RMND5B: variants seen among roughly 807,000 people sequenced by gnomAD.
RMND5B encodes required for meiotic nuclear division 5 homolog B.
A neutral mutation model predicts 50.4 loss-of-function variants in RMND5B; 42 were observed. The observed-to-expected ratio is 0.83, with a 90% confidence interval of 0.65 to 1.08. The LOEUF is 1.08. Among genes scored for constraint, RMND5B ranks in the 50% least tolerant of loss-of-function variants. The pLI is 0.00. For synonymous variants in RMND5B, 220 were observed against 210.0 expected (o/e 1.05, Z -0.41); for missense variants, 463 against 508.5 (o/e 0.91, Z 0.86).
chr5:178,147,767 C>T lies in RMND5B; in HGVS notation c.1002C>T (p.Ser334=), dbSNP rs140065663. ...IELGMKCWYH[S]VFACPILRQQ... ...TAGGCATGAAGTGCTGGTACCACTC[C>T]GTGTTCGCTTGCCCCATCCTCCGCC... The change falls in exon 10 of 11, where the codon TCC becomes TCT. Residue 334 remains serine (S), a synonymous_variant. Coordinates refer to ENST00000313386, the MANE Select transcript of RMND5B (RefSeq NM_022762.5). 6.4e-5 allele frequency: 103 copies of T among 1,614,188 alleles called. No homozygotes were observed. Among genetic ancestry groups the T allele is most frequent in the Admixed American group, 1.8e-4 (11 of 60,018 alleles).
At chr5:178,146,429 C>T in intron 8 of RMND5B, 150 bp downstream of exon 8, 1 of 704,718 alleles carries the variant, frequency 1.4e-6, no homozygotes, top group Admixed American at 2.9e-5. Flanking sequence ...GAGGAATTAC[C>T]TGTTTTTACA....
chr5:178,136,757 T>G (rs1758642094), intron 2 of RMND5B, among the ~76,000 whole-genome samples: 1 of 152,144 alleles, frequency 6.6e-6, no homozygotes, highest in African/African-American at 2.4e-5. Flanking sequence ...CTAGATCAGC[T>G]CTGTCACTGA....
Position 178,146,296 on chromosome 5 carries a change from T to G in RMND5B, c.860+17T>G. 6 of 1,611,692 alleles carry G rather than the reference T, an allele frequency of 3.7e-6. No homozygotes were observed. Among genetic ancestry groups the G allele is most frequent in the Non-Finnish European group, 5.1e-6 (6 of 1,178,336 alleles). ...TAGCGTCAGGTACAACCCAGCCCTG[T>G]GAGGGCAGCACAGGTGGGAGGGTAG... On this transcript the variant is annotated intron_variant, in intron 8 of 10. Transcript: ENST00000313386.
At chr5:178,139,952 T>G (rs1179993988) in intron 3 of RMND5B, among the ~76,000 whole-genome samples, 1 of 152,140 alleles carries the variant, frequency 6.6e-6, no homozygotes, top group African/African-American at 2.4e-5. Flanking sequence ...ATCTTTACTT[T>G]TTTTAATCTG....
chr5:178,138,938 C>T lies in RMND5B; in HGVS notation c.139+680C>T, dbSNP rs559409425. Among the ~76,000 whole-genome samples, 8 of 152,234 alleles carry T rather than the reference C, an allele frequency of 5.3e-5. No individual in the cohort carries two copies. In the East Asian group the frequency reaches 1.2e-3, roughly 22 times the overall value. ...AGAAATTGCCAGGCACAGTGGCTCACGCCTGTAATCCCAGCACTTCGGGAG... is the reference window on the plus strand; with the variant it reads ...AGAAATTGCCAGGCACAGTGGCTCATGCCTGTAATCCCAGCACTTCGGGAG... On this transcript the variant is annotated intron_variant, in intron 3 of 10. Transcript: ENST00000313386. This position sits in a 1 kb window ranked among gnomAD's most constrained non-coding sequence, Gnocchi z 5.1.
intron 7 of RMND5B, among the ~76,000 whole-genome samples, chr5:178,145,696 CG>C: frequency 1.3e-5 from 2 of 152,274 alleles, no homozygotes; most frequent in Admixed American, 1.3e-4. Flanking sequence ...TGAGCCACCA[CG>C]CCCGGCCCCA....
intron 2 of RMND5B, among the ~76,000 whole-genome samples, chr5:178,133,079 G>C (rs1758423662): frequency 6.6e-6 from 1 of 151,870 alleles, no homozygotes; most frequent in South Asian, 2.1e-4. Flanking sequence ...TGGTCAGGCT[G>C]GTCTCAAACT....
rs189245013 is a variant in RMND5B at position 178,143,767 on chromosome 5, G to C, written c.527+40G>C. 2.0e-6 allele frequency: 3 copies of C among 1,509,870 alleles called. No individual in the cohort carries two copies. The South Asian group carries it at 3.4e-5, about 17-fold the overall frequency. 93.5% of individuals were successfully genotyped at this position (1,509,870 alleles called of 1,614,324 possible). ...GGGTGGGCCAGCAGCATTCTGCTTC[G>C]ACCTCTCAGGGCACAGGGCTTGACT... is the stretch of plus-strand genomic sequence containing the variant. On this transcript the variant is annotated intron_variant, in intron 6 of 10. Coordinates refer to ENST00000313386, the MANE Select transcript of RMND5B (RefSeq NM_022762.5).
rs58710080 is a variant in RMND5B at position 178,132,789 on chromosome 5, CAAAAAAAA to C, written c.-13+1430_-13+1437del. On this transcript the variant is annotated intron_variant, in intron 2 of 10. Coordinates refer to ENST00000313386, the MANE Select transcript of RMND5B (RefSeq NM_022762.5). ...TATTAACTGAAGAGACCCTGCCTCA[CAAAAAAAA>C]AAAAAAAAAAAAAAAAGCGTTAAGA... Among the ~76,000 whole-genome samples, 9 of 38,916 alleles carry C rather than the reference CAAAAAAAA, an allele frequency of 2.3e-4. No homozygotes were observed. The South Asian group carries it at 0.014, about 60-fold the overall frequency. The allele number at this position is 38,916 out of a possible 152,430, so 25.5% of individuals were successfully genotyped here.
chr5:178,132,789 C>CAAA (rs58710080), intron 2 of RMND5B, among the ~76,000 whole-genome samples: 866 of 37,562 alleles, frequency 0.023, 22 homozygotes, highest in Non-Finnish European at 0.028. Context: ...CCCTGCCTCA[C>CAAA]AAAAAAAAAA....
At chr5:178,144,301 T>C (rs534852046) in intron 7 of RMND5B, among the ~76,000 whole-genome samples, 193 bp downstream of exon 7, 3 of 152,198 alleles carry the variant, frequency 2.0e-5, no homozygotes, top group Non-Finnish European at 4.4e-5. Context: ...ACATCTGCCA[T>C]ACCTTTAGTT....
chr5:178,132,791 A>G (rs992120681), intron 2 of RMND5B, among the ~76,000 whole-genome samples: 4 of 131,080 alleles, frequency 3.1e-5, no homozygotes, highest in African/African-American at 1.3e-4. Flanking sequence ...CTGCCTCACA[A>G]AAAAAAAAAA....
At position 178,150,474 on chromosome 5, in the gene RMND5B, G is replaced by C; in HGVS notation, c.*2442G>C. On this transcript the variant is annotated 3_prime_UTR_variant, in exon 11 of 11. Coordinates refer to ENST00000313386, the MANE Select transcript of RMND5B (RefSeq NM_022762.5). ...TGGCTCACTGCAGCCTTGAACTCCT[G>C]GGTTCAAGTGATCTCCTGCTTTAGC... The C allele has an allele frequency of 2.8e-6, 1 of 357,004 alleles. No individual in the cohort carries two copies. 22.1% of individuals were successfully genotyped at this position (357,004 alleles called of 1,614,324 possible). A position where few individuals can be genotyped will look rare whatever the true frequency, so the allele number is the denominator to read the frequency against.
chr5:178,143,151 TGAAAA>T (rs1755778046), intron 5 of RMND5B, among the ~76,000 whole-genome samples, 159 bp downstream of exon 5: 1 of 152,204 alleles, frequency 6.6e-6, no homozygotes, highest in African/African-American at 2.4e-5. Context: ...ACATATATGA[TGAAAA>T]GAGAAGTTAC....
At chr5:178,131,670 C>T (rs1168283777) in intron 2 of RMND5B, among the ~76,000 whole-genome samples, 1 of 151,502 alleles carries the variant, frequency 6.6e-6, no homozygotes, top group African/African-American at 2.4e-5. Flanking sequence ...TCTAGCAGAG[C>T]ATCTCTGAGG....
At position 178,132,638 on chromosome 5, in the gene RMND5B, G is replaced by A. The variant is rs953999207; in HGVS notation, c.-13+1262G>A. On this transcript the variant is annotated intron_variant, in intron 2 of 10. Transcript: ENST00000313386. The stretch of plus-strand genomic sequence containing the variant: ...CAGCTTCTTGGGGTGGGGGGCTGAG[G>A]TGGGAGGATCACTTGAGCCCAGGAG... 1.6e-4 allele frequency among the ~76,000 whole-genome samples: 24 copies of A among 151,918 alleles called. No individual in the cohort carries two copies. In the Middle Eastern group the frequency reaches 0.01, roughly 65 times the overall value.
At chr5:178,143,779 C>A in intron 6 of RMND5B, 52 bp downstream of exon 6, 3 of 1,490,296 alleles carry the variant, frequency 2.0e-6, no homozygotes, top group Non-Finnish European at 1.9e-6. Context: ...CCTCTCAGGG[C>A]ACAGGGCTTG....
intron 3 of RMND5B, chr5:178,141,521 G>C (rs1465996238): frequency 6.6e-6 from 1 of 151,116 alleles, no homozygotes; most frequent in Non-Finnish European, 1.5e-5. Flanking sequence ...AATAAATAAA[G>C]TACAACTCTG....
At chr5:178,140,793 G>T (rs1384542837) in intron 3 of RMND5B, among the ~76,000 whole-genome samples, 2 of 151,184 alleles carry the variant, frequency 1.3e-5, no homozygotes, top group Admixed American at 1.3e-4. Context: ...TCGCGCCACT[G>T]CATTCCAGCA....
Sources: allele counts gnomAD v4.1 joint callset (sites outside exome capture counted in the v4.1 genomes callset), GRCh38; gene constraint gnomAD v4.1.1; non-coding constraint Gnocchi (gnomAD v3.1); transcripts MANE v1.5; gene names NCBI Gene and HGNC (gene_info 2026-07-23, HGNC 2026-07-21).